DOCK2: variants seen among roughly 807,000 people sequenced by gnomAD.
DOCK2 encodes the protein dedicator of cytokinesis 2, also known as dedicator of cytokinesis protein 2.
In DOCK2, 87 loss-of-function variants were observed where a neutral mutation model predicts 248.9. The observed-to-expected ratio is 0.35, with a 90% CI of 0.29 to 0.42. The LOEUF (loss-of-function observed/expected upper bound fraction) is 0.42. DOCK2 is among the 10% of genes least tolerant of loss of function. The probability of loss-of-function intolerance (pLI) is 1.00; values close to 1 mark genes in which losing one functional copy is unlikely to be tolerated. For synonymous variants in DOCK2, 805 were observed against 821.6 expected (o/e 0.98, Z 0.35); for missense variants, 1,747 against 2,300.2 (o/e 0.76, Z 4.92).
intron 27 of DOCK2, among the ~76,000 whole-genome samples, chr5:169,949,904 T>G (rs1320616152): frequency 6.6e-6 from 1 of 152,072 alleles, no homozygotes; most frequent in Non-Finnish European, 1.5e-5. Flanking sequence ...TATCAGTTAG[T>G]AACTCTTCTT....
At chr5:169,814,567 A>G (rs1767953182) in intron 26 of DOCK2, among the ~76,000 whole-genome samples, 1 of 152,190 alleles carries the variant, frequency 6.6e-6, no homozygotes, top group African/African-American at 2.4e-5. Flanking sequence ...TCCTGGTTTG[A>G]TTATTCTACT....
At chr5:169,741,508 C>T (rs1357464947) in intron 22 of DOCK2, among the ~76,000 whole-genome samples, 1 of 152,140 alleles carries the variant, frequency 6.6e-6, no homozygotes, top group Non-Finnish European at 1.5e-5. Flanking sequence ...TTATGATTTT[C>T]CCAGAGTAAT....
intron 27 of DOCK2, among the ~76,000 whole-genome samples, chr5:169,943,641 C>T (rs1030739522): frequency 7.9e-5 from 12 of 152,176 alleles, no homozygotes; most frequent in Non-Finnish European, 1.6e-4. Flanking sequence ...CCTCATCAGG[C>T]ATTAGAGTTT....
intron 27 of DOCK2, among the ~76,000 whole-genome samples, chr5:169,904,312 C>T (rs1774147786): frequency 7.3e-6 from 1 of 137,548 alleles, no homozygotes; most frequent in Non-Finnish European, 1.6e-5. Context: ...GTTGTCCCTT[C>T]CTTTTTCTTG....
intron 43 of DOCK2, 89 bp from the exon 44 acceptor site, chr5:170,057,491 C>A: frequency 8.4e-7 from 1 of 1,187,224 alleles, no homozygotes; most frequent in Non-Finnish European, 1.3e-6. Flanking sequence ...GGGGACCTGG[C>A]TGGGTTTCTG....
chr5:169,940,961 G>A (rs1776219609), intron 27 of DOCK2, among the ~76,000 whole-genome samples: 1 of 152,282 alleles, frequency 6.6e-6, no homozygotes, highest in East Asian at 1.9e-4. Flanking sequence ...TAGTGCCATG[G>A]CTGAGAGACC....
At chr5:169,706,255 G>C (rs1032881618) in intron 14 of DOCK2, among the ~76,000 whole-genome samples, 7 of 152,236 alleles carry the variant, frequency 4.6e-5, no homozygotes, top group African/African-American at 1.7e-4. Flanking sequence ...TATATGTGTA[G>C]TTTCTGATTT....
chr5:169,866,685 C>G (rs1376423867), intron 27 of DOCK2, among the ~76,000 whole-genome samples: 2 of 152,182 alleles, frequency 1.3e-5, no homozygotes, highest in African/African-American at 2.4e-5. Context: ...AGCCAAAGCC[C>G]AGAATTTGCC....
At chr5:169,906,226 C>T (rs1419246087) in intron 27 of DOCK2, among the ~76,000 whole-genome samples, 3 of 152,276 alleles carry the variant, frequency 2.0e-5, no homozygotes, top group East Asian at 1.9e-4. Context: ...TGACGTCAAA[C>T]GCAAGCTTTA....
At chr5:169,703,774 A>G (rs1214415643) in intron 14 of DOCK2, among the ~76,000 whole-genome samples, 1 of 152,252 alleles carries the variant, frequency 6.6e-6, no homozygotes, top group African/African-American at 2.4e-5. Context: ...CTTGACTCAA[A>G]GGAACATAAA....
intron 30 of DOCK2, among the ~76,000 whole-genome samples, chr5:170,006,172 G>A (rs1755027813): frequency 6.6e-6 from 1 of 152,220 alleles, no homozygotes; most frequent in African/African-American, 2.4e-5. Context: ...AGGAAAGGCA[G>A]TCTGAGGGGA....
chr5:170,043,874 C>T lies in DOCK2; in HGVS notation c.3876+1742C>T, dbSNP rs147975502. Among the ~76,000 whole-genome samples, 245 of 152,338 alleles carry T rather than the reference C, an allele frequency of 1.6e-3. 2 individuals carry two copies. Among genetic ancestry groups the T allele is most frequent in the Middle Eastern group, 6.8e-3 (2 of 294 alleles). On this transcript the variant is annotated intron_variant, in intron 38 of 51. Coordinates refer to ENST00000520908, the MANE Select transcript of DOCK2 (RefSeq NM_004946.3). ...GCAGAGAGGAAAAAGGCATGATCCC[C>T]AACCTCAAAAAACTTACTGTCTAGT... is the stretch of plus-strand genomic sequence containing the variant.
intron 27 of DOCK2, among the ~76,000 whole-genome samples, chr5:169,938,189 G>T (rs1776077020): frequency 6.6e-6 from 1 of 151,888 alleles, no homozygotes; most frequent in Admixed American, 6.6e-5. Context: ...CTACCGCACA[G>T]CTGCCACCTT....
chr5:169,755,137 A>G (rs262857), intron 23 of DOCK2, among the ~76,000 whole-genome samples: 48,506 of 151,350 alleles, frequency 0.32, 11,171 homozygotes, highest in African/African-American at 0.64. Context: ...GTAGAGATTA[A>G]GTCTTGCCAT....
At chr5:169,865,371 C>G (rs930674606) in intron 27 of DOCK2, among the ~76,000 whole-genome samples, 1 of 152,162 alleles carries the variant, frequency 6.6e-6, no homozygotes, top group African/African-American at 2.4e-5. Flanking sequence ...GGTGCTGATG[C>G]TGTCTGTGAC....
intron 6 of DOCK2, among the ~76,000 whole-genome samples, chr5:169,678,999 C>CT (rs1393582931): frequency 6.6e-6 from 1 of 152,052 alleles, no homozygotes; most frequent in Non-Finnish European, 1.5e-5. Flanking sequence ...CATGGGTGGA[C>CT]TGGGGCTGGA....
chr5:170,006,094 A>C lies in DOCK2; in HGVS notation c.3073-2403A>C, dbSNP rs148242942. Among the ~76,000 whole-genome samples the C allele has an allele frequency of 4.2e-3, 636 of 152,308 alleles. 2 individuals are homozygous for C. The highest frequency in any genetic ancestry group is 7.7e-3 in the Non-Finnish European group (524 of 68,018). The stretch of plus-strand genomic sequence containing the variant: ...TGAGAAGGTGTAAGCTCCGGACATA[A>C]GCAGACCAAAGCTGCACATTTTCAA... On this transcript the variant is annotated intron_variant, in intron 30 of 51. Transcript: ENST00000520908.
chr5:169,662,667 G>GAA (rs921814359), intron 2 of DOCK2, among the ~76,000 whole-genome samples: 3 of 152,210 alleles, frequency 2.0e-5, no homozygotes, highest in African/African-American at 7.2e-5. Flanking sequence ...GAGAGAACAA[G>GAA]AAGGGAAGTG....
At chr5:169,910,358 C>T (rs1774525806) in intron 27 of DOCK2, among the ~76,000 whole-genome samples, 1 of 152,164 alleles carries the variant, frequency 6.6e-6, no homozygotes, top group South Asian at 2.1e-4. Context: ...ACTACAAAGT[C>T]ATTTAAAATT....
Sources: allele counts gnomAD v4.1 joint callset (sites outside exome capture counted in the v4.1 genomes callset), GRCh38; gene constraint gnomAD v4.1.1; transcripts MANE v1.5; gene names NCBI Gene and HGNC (gene_info 2026-07-23, HGNC 2026-07-21).